Variants in SDCCAG8 observed in about 807,000 individuals in gnomAD.
SDCCAG8 encodes SHH signaling and ciliogenesis regulator SDCCAG8, also known as serologically defined colon cancer antigen 8.
SDCCAG8 carries 74 observed loss-of-function variants against 101.8 expected under a neutral mutation model. The observed-to-expected ratio is 0.73, with a 90% CI of 0.60 to 0.88. The LOEUF is 0.88. Ranked by LOEUF, SDCCAG8 falls within the 40% of genes least tolerant of loss-of-function variation. The pLI, the probability that SDCCAG8 is intolerant of heterozygous loss-of-function variation, is 0.00. For missense variants in SDCCAG8, 787 were observed against 822.6 expected, an observed-to-expected ratio of 0.96 and a Z score of 0.53; for synonymous variants, 281 against 292.9, an observed-to-expected ratio of 0.96 and a Z score of 0.41.
chr1:243,279,439 C>G (rs531369582), intron 4 of SDCCAG8, among the ~76,000 whole-genome samples: 7 of 152,362 alleles, frequency 4.6e-5, no homozygotes, highest in Admixed American at 1.3e-4. Flanking sequence ...GCCACTGCTG[C>G]TGCCCAGCAT....
intron 1 of SDCCAG8, among the ~76,000 whole-genome samples, chr1:243,263,469 C>T (rs2067342603): frequency 6.6e-6 from 1 of 152,116 alleles, no homozygotes; most frequent in African/African-American, 2.4e-5. Context: ...ATTGTATTTG[C>T]TGGTGATTTT....
chr1:243,341,556 GTTTACAA>G (rs1225084094), intron 11 of SDCCAG8, among the ~76,000 whole-genome samples: 1 of 152,220 alleles, frequency 6.6e-6, no homozygotes, highest in African/African-American at 2.4e-5. Flanking sequence ...TAAGGTTGGT[GTTTACAA>G]TAATTGCCAA....
At chr1:243,348,425 A>T (rs2075872428) in intron 12 of SDCCAG8, among the ~76,000 whole-genome samples, 2 of 151,600 alleles carry the variant, frequency 1.3e-5, no homozygotes. Context: ...TCCTCTCTAA[A>T]CACACATTCA....
chr1:243,420,168 A>C (rs914414701), intron 15 of SDCCAG8, among the ~76,000 whole-genome samples: 1 of 152,162 alleles, frequency 6.6e-6, no homozygotes, highest in Non-Finnish European at 1.5e-5. Flanking sequence ...CTAGGTTTGA[A>C]TCTCACTCTC....
At chr1:243,296,170 A>G (rs971871927) in intron 6 of SDCCAG8, among the ~76,000 whole-genome samples, 1 of 151,768 alleles carries the variant, frequency 6.6e-6, no homozygotes, top group African/African-American at 2.4e-5. Context: ...TAATTTTTGT[A>G]TTTTTGGTAG....
At chr1:243,390,995 C>T (rs1023411634) in intron 13 of SDCCAG8, among the ~76,000 whole-genome samples, 2 of 152,164 alleles carry the variant, frequency 1.3e-5, no homozygotes, top group Admixed American at 1.3e-4. Context: ...GGCACAGTCT[C>T]GCTGTATTGC....
At chr1:243,448,026 C>A (rs1030240527) in intron 16 of SDCCAG8, among the ~76,000 whole-genome samples, 1 of 152,142 alleles carries the variant, frequency 6.6e-6, no homozygotes, top group Non-Finnish European at 1.5e-5. Context: ...CTTTATTTCC[C>A]TTATAGCATA....
At chr1:243,307,791 A>G in intron 7 of SDCCAG8, 198 bp from the exon 8 acceptor site, 1 of 1,446,334 alleles carries the variant, frequency 6.9e-7, no homozygotes, top group East Asian at 2.5e-5. Context: ...TTCCAGTCTC[A>G]TCATATTCAA....
intron 12 of SDCCAG8, among the ~76,000 whole-genome samples, chr1:243,345,306 A>T (rs573905138): frequency 9.9e-5 from 15 of 152,214 alleles, no homozygotes; most frequent in Non-Finnish European, 2.2e-4. Context: ...AAGCTTTTCA[A>T]GTCATAACTG....
chr1:243,261,704 G>T (rs1280761439), intron 1 of SDCCAG8, among the ~76,000 whole-genome samples: 3 of 151,702 alleles, frequency 2.0e-5, no homozygotes, highest in Non-Finnish European at 2.9e-5. Context: ...TTTCTTTTTT[G>T]CTTTTCTCAA....
chr1:243,296,531 T>C, intron 6 of SDCCAG8, among the ~76,000 whole-genome samples: 1 of 126,544 alleles, frequency 7.9e-6, no homozygotes, highest in African/African-American at 3.0e-5. Flanking sequence ...CCACCCCAAC[T>C]GCTCTTTTTT....
intron 16 of SDCCAG8, among the ~76,000 whole-genome samples, chr1:243,429,308 CAT>C (rs1222291767): frequency 6.6e-6 from 1 of 152,116 alleles, no homozygotes; most frequent in African/African-American, 2.4e-5. Flanking sequence ...GTGTATAACA[CAT>C]ATAACATATA....
chr1:243,484,051 G>C (rs1664299183), intron 16 of SDCCAG8, among the ~76,000 whole-genome samples: 1 of 152,200 alleles, frequency 6.6e-6, no homozygotes, highest in African/African-American at 2.4e-5. Context: ...TAAGCCCCAA[G>C]TTGCATAGCT....
intron 12 of SDCCAG8, among the ~76,000 whole-genome samples, chr1:243,357,358 A>G (rs1170375332): frequency 1.3e-5 from 2 of 152,186 alleles, no homozygotes; most frequent in Non-Finnish European, 2.9e-5. Context: ...CAGCCTGGGC[A>G]ACAGAGCGAG....
Position 243,256,068 on chromosome 1 carries a change from G to C in SDCCAG8, c.-106G>C. 1 of 1,035,868 alleles carries C rather than the reference G, an allele frequency of 9.7e-7. No homozygotes were observed. Among genetic ancestry groups the C allele is most frequent in the Non-Finnish European group, 1.5e-6 (1 of 653,190 alleles). 64.2% of individuals were successfully genotyped at this position (1,035,868 alleles called of 1,614,324 possible). ...TCTAGGCTCCCCTGTGACAGCCGCG[G>C]CAGGAAGCAGGCGGGCGCTCCCCGG... On this transcript the variant is annotated 5_prime_UTR_variant, in exon 1 of 18. Transcript: ENST00000366541.
chr1:243,358,515 A>G (rs2076519648), intron 12 of SDCCAG8, among the ~76,000 whole-genome samples: 1 of 152,210 alleles, frequency 6.6e-6, no homozygotes, highest in Non-Finnish European at 1.5e-5. Context: ...TTGCTGGTAG[A>G]ATTTAAAGTC....
rs533655854 is a variant in SDCCAG8, at chr1:243,324,852, TTCATG to T, written c.1069-5684_1069-5680del. Reference sequence around the variant, plus strand: ...CTAGTCTTCTCTTTCACTCTACTCTTTCATGTCACCTTCACTGTTTCCAGAACATG... The same window carrying T: ...CTAGTCTTCTCTTTCACTCTACTCTTTCACCTTCACTGTTTCCAGAACATG... On this transcript the variant is annotated intron_variant, in intron 9 of 17. Coordinates refer to ENST00000366541, the MANE Select transcript of SDCCAG8 (RefSeq NM_006642.5). Among the ~76,000 whole-genome samples, 39 of 152,328 alleles carry T rather than the reference TTCATG, an allele frequency of 2.6e-4. No individual in the cohort carries two copies. In the South Asian group the frequency reaches 6.8e-3, roughly 27 times the overall value.
At chr1:243,295,153 A>G (rs1033525900) in intron 6 of SDCCAG8, among the ~76,000 whole-genome samples, 1 of 152,192 alleles carries the variant, frequency 6.6e-6, no homozygotes, top group Non-Finnish European at 1.5e-5. Context: ...CCTATAGGAT[A>G]AAGACCAATG....
rs190043450 is a variant in SDCCAG8, at chr1:243,332,842, C to T, written c.1221+2150C>T. On this transcript the variant is annotated intron_variant, in intron 10 of 17. Transcript: ENST00000366541. Reference sequence around the variant, plus strand: ...GGTCTGGAGGTGATTATCGTGGTCCCGGTCTGGAGGTGGTTATCGTAGTCC... The same window carrying T: ...GGTCTGGAGGTGATTATCGTGGTCCTGGTCTGGAGGTGGTTATCGTAGTCC... 1.9e-3 allele frequency among the ~76,000 whole-genome samples: 271 copies of T among 145,904 alleles called. 1 individual carries two copies. The highest frequency in any genetic ancestry group is 6.3e-3 in the African/African-American group (250 of 39,422).
Sources: allele counts gnomAD v4.1 joint callset (sites outside exome capture counted in the v4.1 genomes callset), GRCh38; gene constraint gnomAD v4.1.1; transcripts MANE v1.5; gene names NCBI Gene and HGNC (gene_info 2026-07-23, HGNC 2026-07-21).